The following ABCA10 variants were observed in gnomAD, a reference collection of about 807,000 sequenced individuals.
ABCA10 encodes the protein ATP binding cassette subfamily A member 10.
Under a neutral mutation model 187.5 loss-of-function variants are expected in ABCA10, and 169 were observed. That is an observed-to-expected ratio of 0.90 (90% confidence interval 0.80 to 1.02). The LOEUF is 1.02. ABCA10 is among the 50% of genes least tolerant of loss of function. The pLI is 0.00. For missense variants in ABCA10, 1,727 were observed against 1,812.4 expected (o/e 0.95, Z 0.86); for synonymous variants, 574 against 601.8 (o/e 0.95, Z 0.68).
At chr17:69,178,617 G>T (rs1693659214) in intron 22 of ABCA10, among the ~76,000 whole-genome samples, 1 of 152,168 alleles carries the variant, frequency 6.6e-6, no homozygotes, top group African/African-American at 2.4e-5. Flanking sequence ...CCCTGAGAAA[G>T]GATGTTATTA....
chr17:69,152,810 AT>A (rs1568047667), intron 34 of ABCA10, among the ~76,000 whole-genome samples: 1 of 151,624 alleles, frequency 6.6e-6, no homozygotes, highest in Admixed American at 6.6e-5. Context: ...AAGTAAATAA[AT>A]AAATAAATAA....
intron 9 of ABCA10, among the ~76,000 whole-genome samples, chr17:69,211,606 T>G (rs2074660335): frequency 6.6e-6 from 1 of 151,414 alleles, no homozygotes; most frequent in Non-Finnish European, 1.5e-5. Flanking sequence ...ATCCATCTGT[T>G]CCTGGACTCT....
rs371748884 is a variant in ABCA10 at position 69,225,818 on chromosome 17, C to T, written c.-171-289G>A. 2.2e-4 allele frequency among the ~76,000 whole-genome samples: 34 copies of T among 152,138 alleles called. No homozygotes were observed. The South Asian group carries it at 5.4e-3, about 24-fold the overall frequency. On this transcript the variant is annotated intron_variant, in intron 2 of 38. Coordinates refer to ENST00000690296, the MANE Select transcript of ABCA10 (RefSeq NM_001377321.1). The stretch of plus-strand genomic sequence containing the variant: ...TTTTATGCCCTCATATTTGAAGCAA[C>T]GTAAGTATATGGCATCACACAGAAG...
Position 69,174,331 on chromosome 17 carries a change from A to C in ABCA10, c.3112T>G (p.Phe1038Val). Residue 1038 changes from phenylalanine to valine, a missense_variant, in exon 25 of 39, where the codon TTT becomes GTT. Coordinates refer to ENST00000690296, the MANE Select transcript of ABCA10 (RefSeq NM_001377321.1). Reference protein sequence around the residue: ...IFLTYVLSFIFRKWRKNNGFW... With the variant: ...IFLTYVLSFIVRKWRKNNGFW... ...CCATTATTTTTTCTCCACTTGCGAAAGATGAATGAAAGCACATATGTGAGG... is the reference window on the plus strand; with the variant it reads ...CCATTATTTTTTCTCCACTTGCGAACGATGAATGAAAGCACATATGTGAGG... 6.2e-7 allele frequency: 1 copy of C among 1,609,502 alleles called. No homozygotes were observed. Among genetic ancestry groups the C allele is most frequent in the Non-Finnish European group, 8.5e-7 (1 of 1,178,576 alleles).
Position 69,216,353 on chromosome 17 carries a change from G to C in ABCA10, c.536C>G (p.Ser179Cys). ...GAAGCAAATGTATGTCAATCCCCAGGAGAGCCTATAGTAGAAACAAGGTGT... is the reference window on the plus strand; with the variant it reads ...GAAGCAAATGTATGTCAATCCCCAGCAGAGCCTATAGTAGAAACAAGGTGT... ...MGLRESAFWL[S>C]WGLTYICFIF... The change falls in exon 7 of 39, where the codon TCC becomes TGC. Residue 179 changes from serine to cysteine, a missense_variant. Ser to Cys is a moderately radical substitution (Grantham distance 112, BLOSUM62 -1). Transcript: ENST00000690296. The C allele has an allele frequency of 6.2e-7, 1 of 1,610,952 alleles. No individual in the cohort carries two copies. The highest frequency in any genetic ancestry group is 1.1e-5 in the South Asian group (1 of 90,290).
Position 69,216,244 on chromosome 17 carries a change from T to C in ABCA10, c.645A>G (p.Thr215=). The C allele has an allele frequency of 3.1e-6, 5 of 1,613,350 alleles. No individual in the cohort carries two copies. The highest frequency in any genetic ancestry group is 4.2e-6 in the Non-Finnish European group (5 of 1,179,724). ...AAGAAAGGCCATATAAGCTATAGAG[T>C]GTGAATATCACCATGAAGCCAGTAT... ...VFHTGFMVIF[T]LYSLYGLSLI... Residue 215 remains threonine (T), a synonymous_variant, in exon 7 of 39, where the codon ACA becomes ACG. Transcript: ENST00000690296.
At chr17:69,149,386 T>A in intron 37 of ABCA10, 1 of 325,792 alleles carries the variant, frequency 3.1e-6, no homozygotes, top group Non-Finnish European at 5.6e-6. Flanking sequence ...GAATAATTTA[T>A]TCTATATTTG....
intron 27 of ABCA10, among the ~76,000 whole-genome samples, chr17:69,159,795 A>T (rs2074200884): frequency 6.6e-6 from 1 of 152,162 alleles, no homozygotes; most frequent in African/African-American, 2.4e-5. Context: ...TAAAATTTTT[A>T]TTTTAAAATA....
At chr17:69,217,306 T>C (rs756037057) in intron 6 of ABCA10, among the ~76,000 whole-genome samples, 1 of 151,876 alleles carries the variant, frequency 6.6e-6, no homozygotes, top group Non-Finnish European at 1.5e-5. Flanking sequence ...TGTGATTGAA[T>C]GTCGGAGTAG....
chr17:69,214,928 G>T (rs1338210365), intron 8 of ABCA10, 77 bp from the exon 9 acceptor site: 6 of 1,023,022 alleles, frequency 5.9e-6, no homozygotes, highest in Non-Finnish European at 8.2e-6. Context: ...AAAAAATAGT[G>T]GTACCTAGAG....
chr17:69,154,930 T>C, intron 30 of ABCA10, 89 bp downstream of exon 30: 1 of 861,762 alleles, frequency 1.2e-6, no homozygotes, highest in East Asian at 2.6e-5. Flanking sequence ...ATGAACAGTC[T>C]CAATGAATAA....
rs1196251007 is a variant in ABCA10, at chr17:69,185,517, C to T, written c.2457G>A (p.Pro819=). 1.2e-5 allele frequency: 20 copies of T among 1,613,288 alleles called. No individual in the cohort carries two copies. The highest frequency in any genetic ancestry group is 3.3e-5 in the Admixed American group (2 of 59,968). ...SMYFLSLEQI[P]KTPLTSLLIV... Reference sequence around the variant, plus strand: ...TTAACAGGCTGGTAAGAGGCGTCTTCGGGATTTGTTCCAGAGAAAGGAAAT... The same window carrying T: ...TTAACAGGCTGGTAAGAGGCGTCTTTGGGATTTGTTCCAGAGAAAGGAAAT... Residue 819 remains proline, a synonymous_variant, in exon 20 of 39, where the codon CCG becomes CCA. Transcript: ENST00000690296.
At position 69,209,120 on chromosome 17, in the gene ABCA10, C is replaced by T. The variant is rs2074615419; in HGVS notation, c.1006+5584G>A. Reference sequence around the variant, plus strand: ...GTATAAGTGACAGAATGAGTGCATACAGAAGTAGACAAGGTTTGGGATTTC... The same window carrying T: ...GTATAAGTGACAGAATGAGTGCATATAGAAGTAGACAAGGTTTGGGATTTC... On this transcript the variant is annotated intron_variant, in intron 9 of 38. Coordinates refer to ENST00000690296, the MANE Select transcript of ABCA10 (RefSeq NM_001377321.1). 1.3e-5 allele frequency among the ~76,000 whole-genome samples: 2 copies of T among 152,130 alleles called. 1 individual carries two copies. The highest frequency in any genetic ancestry group is 4.1e-4 in the South Asian group (2 of 4,824).
chr17:69,171,962 T>C (rs1399113281), intron 25 of ABCA10, among the ~76,000 whole-genome samples: 2 of 145,640 alleles, frequency 1.4e-5, no homozygotes, highest in African/African-American at 5.0e-5. Flanking sequence ...AAGATTGATC[T>C]CAAAAGGGAG....
rs201080957 is a variant in ABCA10 at position 69,169,549 on chromosome 17, A to G, written c.3163-4466T>C. On this transcript the variant is annotated intron_variant, in intron 25 of 38. Coordinates refer to ENST00000690296, the MANE Select transcript of ABCA10 (RefSeq NM_001377321.1). ...TGCACGCAAATGCAAAGAATCAAAA[A>G]CAGCCAAGATACTTAAAAAAGAACA... is the stretch of plus-strand genomic sequence containing the variant. 9.1e-3 allele frequency among the ~76,000 whole-genome samples: 1,389 copies of G among 152,342 alleles called. 10 individuals carry two copies. Among genetic ancestry groups the G allele is most frequent in the Non-Finnish European group, 0.015 (1,044 of 68,030 alleles).
rs553343263 is a variant in ABCA10, at chr17:69,170,429, T to C, written c.3162+3852A>G. Among the ~76,000 whole-genome samples, 271 of 134,190 alleles carry C rather than the reference T, an allele frequency of 2.0e-3. 2 individuals carry two copies. The highest frequency in any genetic ancestry group is 7.4e-3 in the African/African-American group (256 of 34,762). 88.0% of individuals were successfully genotyped at this position (134,190 alleles called of 152,430 possible). ...CACTAATTACCACATCTATATTGTT[T>C]TACTCATCAAAAAAAAAAAAAAAAA... On this transcript the variant is annotated intron_variant, in intron 25 of 38. Transcript: ENST00000690296.
At chr17:69,176,713 G>A (rs188061472) in intron 22 of ABCA10, among the ~76,000 whole-genome samples, 1 of 152,168 alleles carries the variant, frequency 6.6e-6, no homozygotes, top group East Asian at 1.9e-4. Flanking sequence ...GCACATATCT[G>A]TTTTCCTCTC....
chr17:69,157,694 T>A (rs193269239), intron 27 of ABCA10, among the ~76,000 whole-genome samples: 249 of 152,226 alleles, frequency 1.6e-3, no homozygotes, highest in African/African-American at 5.6e-3. Flanking sequence ...GCAACTGATA[T>A]ATGAATAGAA....
At chr17:69,192,537 A>T in intron 16 of ABCA10, 26 bp downstream of exon 16, 1 of 1,567,400 alleles carries the variant, frequency 6.4e-7, no homozygotes. Context: ...TGCTCATTTA[A>T]AAATAACTAC....
Sources: gnomAD v4.1 joint callset for allele counts (sites outside exome capture counted in the v4.1 genomes callset) on GRCh38, gnomAD v4.1.1 for gene constraint, MANE v1.5 for transcripts, NCBI Gene and HGNC (gene_info 2026-07-23, HGNC 2026-07-21) for gene names.